CTNNA3: variants seen among roughly 807,000 people sequenced by gnomAD.
CTNNA3 encodes the protein catenin alpha 3.
In CTNNA3, 76 loss-of-function variants were observed where a neutral mutation model predicts 95.7. That is an observed-to-expected ratio of 0.79 (90% CI 0.66 to 0.96). CTNNA3 has a LOEUF of 0.96. Ranked by LOEUF, CTNNA3 falls within the 40% of genes least tolerant of loss-of-function variation. The pLI, the probability that CTNNA3 is intolerant of heterozygous loss-of-function variation, is 0.00. For synonymous variants in CTNNA3, 431 were observed against 374.4 expected (o/e 1.15, Z -1.74); for missense variants, 1,191 against 1,089.8 (o/e 1.09, Z -1.31).
intron 15 of CTNNA3, among the ~76,000 whole-genome samples, chr10:66,046,534 C>A (rs890368543): frequency 2.0e-5 from 3 of 151,964 alleles, no homozygotes; most frequent in Admixed American, 2.0e-4. Flanking sequence ...CTTAAATTAA[C>A]AACCTAATCT....
rs1236010501 is a variant in CTNNA3 at position 66,201,783 on chromosome 10, C to CTT, written c.1884+78685_1884+78686dup. ...GATTGTTGCTGTCTTTTTACTTTTT[C>CTT]TTTTTTTTTTTTTTTTTTTTTTGAG... On this transcript the variant is annotated intron_variant, in intron 13 of 17. Transcript: ENST00000433211. Among the ~76,000 whole-genome samples, 546 of 79,356 alleles carry CTT rather than the reference C, an allele frequency of 6.9e-3. 19 individuals carry two copies. The highest frequency in any genetic ancestry group is 0.011 in the African/African-American group (221 of 19,428). The allele number at this position is 79,356 out of a possible 152,430, so 52.1% of individuals were successfully genotyped here.
intron 10 of CTNNA3, among the ~76,000 whole-genome samples, chr10:66,586,838 C>G (rs1489790635): frequency 6.6e-6 from 1 of 152,118 alleles, no homozygotes; most frequent in Admixed American, 6.5e-5. Flanking sequence ...GGACTCAAGG[C>G]CCATGGTCTG....
At chr10:66,741,333 G>C (rs769809334) in intron 9 of CTNNA3, among the ~76,000 whole-genome samples, 2 of 152,072 alleles carry the variant, frequency 1.3e-5, no homozygotes, top group Non-Finnish European at 2.9e-5. Flanking sequence ...ATAGGGGGCA[G>C]GTAAGTCAAA....
chr10:66,791,939 A>C (rs183714551), intron 7 of CTNNA3, among the ~76,000 whole-genome samples: 1 of 150,902 alleles, frequency 6.6e-6, no homozygotes, highest in Admixed American at 6.6e-5. Context: ...AAAGTGTATA[A>C]TATTTCACTG....
chr10:66,184,152 A>G (rs148962069), intron 13 of CTNNA3, among the ~76,000 whole-genome samples: 5,018 of 152,090 alleles, frequency 0.033, 129 homozygotes, highest in Middle Eastern at 0.048. Flanking sequence ...TACAAAAATT[A>G]GCTGGGCGCG....
At chr10:66,454,387 T>C (rs990980357) in intron 11 of CTNNA3, among the ~76,000 whole-genome samples, 1 of 152,136 alleles carries the variant, frequency 6.6e-6, no homozygotes, top group African/African-American at 2.4e-5. Context: ...ATTACAATAA[T>C]ATGAATGAAA....
chr10:66,938,577 C>T (rs548630620), intron 7 of CTNNA3, among the ~76,000 whole-genome samples: 5 of 152,076 alleles, frequency 3.3e-5, no homozygotes, highest in East Asian at 1.9e-4. Context: ...GAGAAGCGAT[C>T]GGTCTTGCTG....
At chr10:67,445,160 C>A (rs545534882) in intron 5 of CTNNA3, among the ~76,000 whole-genome samples, 2 of 151,522 alleles carry the variant, frequency 1.3e-5, no homozygotes, top group Non-Finnish European at 1.5e-5. Context: ...AGAAAACTTG[C>A]AAGCTTAATG....
chr10:67,181,863 A>T (rs767514775), intron 6 of CTNNA3, among the ~76,000 whole-genome samples: 90 of 152,220 alleles, frequency 5.9e-4, no homozygotes, highest in Non-Finnish European at 1.1e-3. Flanking sequence ...GCACTGTGTA[A>T]TGTTCCCTTA....
At chr10:67,388,419 C>T (rs1237626254) in intron 5 of CTNNA3, among the ~76,000 whole-genome samples, 4 of 122,948 alleles carry the variant, frequency 3.3e-5, no homozygotes, top group Middle Eastern at 3.7e-3. Flanking sequence ...GTGAAAAGAC[C>T]AAATCTACGT....
intron 6 of CTNNA3, among the ~76,000 whole-genome samples, chr10:67,194,420 G>A (rs932953026): frequency 6.6e-6 from 1 of 151,898 alleles, no homozygotes; most frequent in Non-Finnish European, 1.5e-5. Context: ...AGACATAGAG[G>A]AAACTTAAAT....
chr10:67,726,945 T>G (rs1332473811), intron 1 of CTNNA3, among the ~76,000 whole-genome samples: 2 of 116,536 alleles, frequency 1.7e-5, no homozygotes, highest in African/African-American at 7.0e-5. Context: ...ATATCATATA[T>G]ATTATATATT....
chr10:67,046,277 T>C (rs1403318206), intron 7 of CTNNA3, among the ~76,000 whole-genome samples: 2 of 152,208 alleles, frequency 1.3e-5, no homozygotes, highest in East Asian at 1.9e-4. Flanking sequence ...CTTATGTTTA[T>C]ACAATTCTTA....
intron 9 of CTNNA3, among the ~76,000 whole-genome samples, chr10:66,630,317 A>G (rs1466916483): frequency 6.6e-6 from 1 of 152,118 alleles, no homozygotes; most frequent in African/African-American, 2.4e-5. Context: ...TTTGAAATTC[A>G]TTTTCAATAT....
chr10:66,386,674 T>A (rs1296381526), intron 11 of CTNNA3, among the ~76,000 whole-genome samples: 4 of 152,172 alleles, frequency 2.6e-5, no homozygotes, highest in African/African-American at 7.2e-5. Flanking sequence ...GCTGGAGGCA[T>A]CATGCTACTT....
chr10:66,412,711 G>T (rs1036882142), intron 11 of CTNNA3, among the ~76,000 whole-genome samples: 1 of 151,752 alleles, frequency 6.6e-6, no homozygotes, highest in African/African-American at 2.4e-5. Context: ...TGCCCGCTTC[G>T]GCCTCCCAAA....
At chr10:66,560,238 A>T (rs867307443) in intron 10 of CTNNA3, among the ~76,000 whole-genome samples, 6 of 152,056 alleles carry the variant, frequency 3.9e-5, no homozygotes, top group South Asian at 2.1e-4. Context: ...TTGTAGTCAG[A>T]TTATTCAGGT....
intron 5 of CTNNA3, among the ~76,000 whole-genome samples, chr10:67,312,988 C>T (rs997062568): frequency 2.0e-5 from 3 of 152,066 alleles, no homozygotes; most frequent in Admixed American, 2.0e-4. Flanking sequence ...TTCAAGATTA[C>T]CCCTACATTA....
At chr10:66,812,749 G>T (rs1162393820) in intron 7 of CTNNA3, among the ~76,000 whole-genome samples, 1 of 152,046 alleles carries the variant, frequency 6.6e-6, no homozygotes, top group African/African-American at 2.4e-5. Flanking sequence ...TCTCTGGCTT[G>T]CTTTCTTCAT....
Sources: allele counts gnomAD v4.1 joint callset (sites outside exome capture counted in the v4.1 genomes callset), GRCh38; gene constraint gnomAD v4.1.1; transcripts MANE v1.5; gene names NCBI Gene and HGNC (gene_info 2026-07-23, HGNC 2026-07-21).